The following SPOCK3 variants were observed in gnomAD, a reference collection of about 807,000 sequenced individuals.
The protein encoded by SPOCK3 is testican-3.
SPOCK3 carries 30 observed loss-of-function variants against 56.6 expected under a neutral mutation model. The ratio of observed to expected loss-of-function variants is 0.53; its 90% CI spans 0.40 to 0.72. The LOEUF is 0.72. Ranked by LOEUF, SPOCK3 falls within the 30% of genes least tolerant of loss-of-function variation. SPOCK3 has a pLI of 0.00. For synonymous variants in SPOCK3, 196 were observed against 183.3 expected (o/e 1.07, Z -0.56); for missense variants, 527 against 530.0 (o/e 0.99, Z 0.06).
chr4:167,009,686 A>G (rs1749832806), intron 3 of SPOCK3, among the ~76,000 whole-genome samples: 1 of 152,118 alleles, frequency 6.6e-6, no homozygotes, highest in South Asian at 2.1e-4. Context: ...CACACACACA[A>G]AATTGCAAAC....
At chr4:167,216,320 T>G (rs1735353866) in intron 2 of SPOCK3, among the ~76,000 whole-genome samples, 1 of 151,982 alleles carries the variant, frequency 6.6e-6, no homozygotes, top group Non-Finnish European at 1.5e-5. Context: ...CTGTAATACA[T>G]TAAAAGATGA....
intron 4 of SPOCK3, among the ~76,000 whole-genome samples, chr4:166,929,751 A>G (rs184597500): frequency 6.6e-6 from 1 of 152,156 alleles, no homozygotes; most frequent in Non-Finnish European, 1.5e-5. Context: ...GATATCCATT[A>G]GCTATATGAT....
intron 3 of SPOCK3, among the ~76,000 whole-genome samples, chr4:167,042,749 T>C (rs1337413549): frequency 6.6e-6 from 1 of 152,160 alleles, no homozygotes; most frequent in Non-Finnish European, 1.5e-5. Context: ...CAAGTGTTTC[T>C]GAACATGTTC....
chr4:166,983,921 T>G (rs1354553532), intron 4 of SPOCK3, among the ~76,000 whole-genome samples: 1 of 152,014 alleles, frequency 6.6e-6, no homozygotes, highest in African/African-American at 2.4e-5. Flanking sequence ...GTTGAAAATC[T>G]TTTTCCTATT....
At chr4:167,184,407 G>A (rs1731775520) in intron 2 of SPOCK3, among the ~76,000 whole-genome samples, 1 of 152,120 alleles carries the variant, frequency 6.6e-6, no homozygotes, top group African/African-American at 2.4e-5. Flanking sequence ...TTGGTACTCT[G>A]TCGTATCCAG....
At chr4:167,047,219 T>C (rs535590960) in intron 3 of SPOCK3, among the ~76,000 whole-genome samples, 20 of 152,282 alleles carry the variant, frequency 1.3e-4, no homozygotes, top group African/African-American at 4.1e-4. Context: ...TGACATCTTG[T>C]CATAAATGTA....
At chr4:166,844,313 A>G (rs1020650042) in intron 6 of SPOCK3, among the ~76,000 whole-genome samples, 6 of 152,216 alleles carry the variant, frequency 3.9e-5, no homozygotes, top group Non-Finnish European at 5.9e-5. Context: ...TTTTGTAGTG[A>G]CTACAGGAAA....
intron 2 of SPOCK3, among the ~76,000 whole-genome samples, chr4:167,091,005 T>C (rs1348883996): frequency 6.6e-6 from 1 of 152,156 alleles, no homozygotes; most frequent in African/African-American, 2.4e-5. Context: ...AATGATCCAA[T>C]TATAATCAAA....
At chr4:166,739,350 C>G (rs1186573339) in intron 9 of SPOCK3, among the ~76,000 whole-genome samples, 1 of 152,110 alleles carries the variant, frequency 6.6e-6, no homozygotes, top group Admixed American at 6.6e-5. Flanking sequence ...AAGTGATTCT[C>G]CTACCTCAGC....
chr4:167,050,897 G>A (rs1754138581), intron 3 of SPOCK3, among the ~76,000 whole-genome samples: 1 of 152,090 alleles, frequency 6.6e-6, no homozygotes, highest in Admixed American at 6.6e-5. Context: ...CTGAGGGGAA[G>A]AGAGAAAGGA....
At chr4:166,779,548 G>T (rs1017056607) in intron 7 of SPOCK3, among the ~76,000 whole-genome samples, 1 of 151,216 alleles carries the variant, frequency 6.6e-6, no homozygotes, top group African/African-American at 2.4e-5. Flanking sequence ...AAGTAAACAT[G>T]AATATAGATC....
At chr4:166,752,524 C>T (rs1736510418) in intron 8 of SPOCK3, among the ~76,000 whole-genome samples, 1 of 148,964 alleles carries the variant, frequency 6.7e-6, no homozygotes, top group Non-Finnish European at 1.5e-5. Flanking sequence ...CTATATATAG[C>T]AGCTATATAT....
chr4:167,205,283 T>C (rs1256790572), intron 2 of SPOCK3, among the ~76,000 whole-genome samples: 12 of 53,958 alleles, frequency 2.2e-4, no homozygotes, highest in African/African-American at 7.7e-4. Context: ...ATATATTATA[T>C]ATATTTTATA....
intron 3 of SPOCK3, among the ~76,000 whole-genome samples, chr4:167,023,728 C>T (rs745312624): frequency 5.3e-5 from 8 of 151,904 alleles, no homozygotes; most frequent in Non-Finnish European, 1.0e-4. Flanking sequence ...TCCCTTACAG[C>T]GATATGGTGA....
chr4:166,959,186 C>CA (rs1743851909), intron 4 of SPOCK3, among the ~76,000 whole-genome samples: 2 of 151,192 alleles, frequency 1.3e-5, no homozygotes, highest in South Asian at 4.2e-4. Context: ...GTTAGTGAAG[C>CA]AAAAAAATAG....
At chr4:167,174,548 A>C (rs529890745) in intron 2 of SPOCK3, among the ~76,000 whole-genome samples, 1 of 152,244 alleles carries the variant, frequency 6.6e-6, no homozygotes, top group Non-Finnish European at 1.5e-5. Context: ...CATTCAGAGA[A>C]GTTTTAAAGG....
intron 7 of SPOCK3, among the ~76,000 whole-genome samples, chr4:166,782,548 T>C (rs1003527053): frequency 6.6e-6 from 1 of 152,146 alleles, no homozygotes; most frequent in Non-Finnish European, 1.5e-5. Context: ...GGACATATTC[T>C]GGGCCATAAA....
At chr4:166,830,028 T>G (rs1292807835) in intron 6 of SPOCK3, among the ~76,000 whole-genome samples, 1 of 152,160 alleles carries the variant, frequency 6.6e-6, no homozygotes, top group Non-Finnish European at 1.5e-5. Flanking sequence ...ATGCTCACCT[T>G]TCTGAACCAG....
At chr4:166,769,630 G>A (rs555347286) in intron 7 of SPOCK3, among the ~76,000 whole-genome samples, 5 of 152,292 alleles carry the variant, frequency 3.3e-5, no homozygotes, top group Non-Finnish European at 7.3e-5. Flanking sequence ...GGCTACTCGG[G>A]GGTCAGGGAC....
Sources: gnomAD v4.1 joint callset for allele counts (sites outside exome capture counted in the v4.1 genomes callset) on GRCh38, gnomAD v4.1.1 for gene constraint, MANE v1.5 for transcripts, NCBI Gene and HGNC (gene_info 2026-07-23, HGNC 2026-07-21) for gene names.